COL26A1: variants seen among roughly 807,000 people sequenced by gnomAD.
COL26A1 encodes the protein collagen type XXVI alpha 1 chain.
In COL26A1, 41 loss-of-function variants were observed where a neutral mutation model predicts 59.3. The ratio of observed to expected loss-of-function variants is 0.69; its 90% CI spans 0.54 to 0.90. COL26A1 has a LOEUF of 0.90. Ranked by LOEUF, COL26A1 falls within the 40% of genes least tolerant of loss-of-function variation. The pLI, the probability that COL26A1 is intolerant of heterozygous loss-of-function variation, is 0.00. For missense variants in COL26A1, 612 were observed against 602.3 expected (o/e 1.02, Z -0.17); for synonymous variants, 266 against 256.0 (o/e 1.04, Z -0.37).
intron 3 of COL26A1, among the ~76,000 whole-genome samples, chr7:101,520,698 G>T (rs1795126398): frequency 6.7e-6 from 1 of 149,862 alleles, no homozygotes; most frequent in Non-Finnish European, 1.5e-5. Context: ...TCCAGCAGGG[G>T]GACATGTGGA....
At chr7:101,539,127 G>A (rs549462768) in intron 4 of COL26A1, among the ~76,000 whole-genome samples, 3 of 152,304 alleles carry the variant, frequency 2.0e-5, no homozygotes, top group Admixed American at 2.0e-4. Context: ...CCTCAAGGAG[G>A]GACAGATGGG....
At chr7:101,362,767 TC>T (rs1790919845), upstream of COL26A1, 1 of 498,562 alleles carries the variant, frequency 2.0e-6, no homozygotes, top group Non-Finnish European at 3.5e-6. Context: ...CACTGCCGCC[TC>T]CTCGGCCCCG....
intron 2 of COL26A1, 81 bp from the exon 3 acceptor site, chr7:101,447,603 G>T: frequency 1.0e-6 from 1 of 995,898 alleles, no homozygotes. Context: ...GGGCAAAACA[G>T]CCTGGCCCAT....
At chr7:101,460,799 G>A (rs904947182) in intron 3 of COL26A1, among the ~76,000 whole-genome samples, 4 of 137,006 alleles carry the variant, frequency 2.9e-5, no homozygotes, top group African/African-American at 5.1e-5. Flanking sequence ...AAAAAAAAAA[G>A]AAAGAAAAGA....
At chr7:101,515,369 A>G (rs1795008332) in intron 3 of COL26A1, among the ~76,000 whole-genome samples, 1 of 151,730 alleles carries the variant, frequency 6.6e-6, no homozygotes, top group South Asian at 2.1e-4. Context: ...GCTGCAACCT[A>G]CAACTTCTGG....
At chr7:101,472,908 C>T (rs994759915) in intron 3 of COL26A1, among the ~76,000 whole-genome samples, 2 of 151,384 alleles carry the variant, frequency 1.3e-5, no homozygotes, top group African/African-American at 2.5e-5. Context: ...CCCGACATGG[C>T]GTTGGAATGT....
intron 11 of COL26A1, among the ~76,000 whole-genome samples, chr7:101,554,071 A>G (rs911323157): frequency 5.9e-5 from 9 of 151,972 alleles, no homozygotes; most frequent in Non-Finnish European, 2.9e-5. Context: ...CCAGGTGTAC[A>G]GGGTCCCTGC....
intron 3 of COL26A1, among the ~76,000 whole-genome samples, chr7:101,512,104 T>C: frequency 6.6e-6 from 1 of 152,198 alleles, no homozygotes; most frequent in Admixed American, 6.5e-5. Flanking sequence ...AGGGTTTCGC[T>C]GCTGGTGCTG....
At chr7:101,371,491 A>G (rs1791192912) in intron 1 of COL26A1, among the ~76,000 whole-genome samples, 1 of 151,992 alleles carries the variant, frequency 6.6e-6, no homozygotes, top group Admixed American at 6.5e-5. Flanking sequence ...TCTGTAAAAA[A>G]AAAAAAAATT....
At chr7:101,510,302 A>G (rs1258088467) in intron 3 of COL26A1, among the ~76,000 whole-genome samples, 1 of 152,188 alleles carries the variant, frequency 6.6e-6, no homozygotes, top group Non-Finnish European at 1.5e-5. Context: ...CTGGGATTAC[A>G]GGCGTGAGCC....
intron 4 of COL26A1, among the ~76,000 whole-genome samples, chr7:101,539,645 G>A (rs766421327): frequency 1.3e-5 from 2 of 152,106 alleles, no homozygotes; most frequent in Non-Finnish European, 2.9e-5. Context: ...GGACTTTGAC[G>A]GTGTCTGAAG....
At chr7:101,453,546 G>C (rs532019159) in intron 3 of COL26A1, among the ~76,000 whole-genome samples, 1 of 152,258 alleles carries the variant, frequency 6.6e-6, no homozygotes, top group African/African-American at 2.4e-5. Flanking sequence ...CCCCTCCCTG[G>C]TGGAGAAGCC....
At chr7:101,401,478 AG>A (rs1791993750) in intron 1 of COL26A1, among the ~76,000 whole-genome samples, 1 of 151,674 alleles carries the variant, frequency 6.6e-6, no homozygotes, top group East Asian at 1.9e-4. Flanking sequence ...AAGGAGGAGG[AG>A]GAAAAGGAAG....
chr7:101,383,895 CT>C (rs1562956410), intron 1 of COL26A1, among the ~76,000 whole-genome samples: 4 of 152,140 alleles, frequency 2.6e-5, no homozygotes, highest in Admixed American at 2.6e-4. Flanking sequence ...GTCTCAAACT[CT>C]TGACCTCAGC....
At position 101,549,212 on chromosome 7, in the gene COL26A1, C is replaced by A. The variant is rs930679912; in HGVS notation, c.982C>A (p.Pro328Thr). 2 of 1,605,814 alleles carry A rather than the reference C, an allele frequency of 1.2e-6. No homozygotes were observed. The highest frequency in any genetic ancestry group is 2.7e-5 in the African/African-American group (2 of 74,558). ...AGGTCCCCCAGGACCCCCAGGAACA[C>A]CTGGATCCCAGGTAAGGACTTTGCC... ...PRGPPGPPGT[P>T]GSQGLAGERG... is the part of the protein sequence containing the mutation. The change falls in exon 9 of 13, where the codon CCT (proline) becomes ACT (threonine). Residue 328 changes from proline to threonine, a missense_variant. Transcript: ENST00000313669.
intron 4 of COL26A1, among the ~76,000 whole-genome samples, chr7:101,538,735 C>T (rs1270161882): frequency 6.9e-6 from 1 of 144,024 alleles, no homozygotes; most frequent in Non-Finnish European, 1.6e-5. Flanking sequence ...CCGCTAAGTG[C>T]ACCCTGGAGA....
chr7:101,471,850 G>T lies in COL26A1; in HGVS notation c.385+24063G>T, dbSNP rs534576300. Among the ~76,000 whole-genome samples, 18 of 152,226 alleles carry T rather than the reference G, an allele frequency of 1.2e-4. No individual in the cohort carries two copies. The South Asian group carries it at 3.7e-3, about 32-fold the overall frequency. On this transcript the variant is annotated intron_variant, in intron 3 of 12. Transcript: ENST00000313669. ...CCACCTTGGCCTCCCAAAGTGCTGA[G>T]ATTACAGGCATGAGCCGCTGCGCCC...
At chr7:101,513,666 T>C (rs1223081855) in intron 3 of COL26A1, among the ~76,000 whole-genome samples, 1 of 152,126 alleles carries the variant, frequency 6.6e-6, no homozygotes, top group African/African-American at 2.4e-5. Context: ...TTTAAGGTCA[T>C]GAATGGGATT....
rs371215918 is a variant in COL26A1 at position 101,535,590 on chromosome 7, G to T, written c.447+2447G>T. 4.6e-5 allele frequency among the ~76,000 whole-genome samples: 7 copies of T among 152,288 alleles called. No homozygotes were observed. In the East Asian group the frequency reaches 1.2e-3, roughly 25 times the overall value. On this transcript the variant is annotated intron_variant, in intron 4 of 12. Transcript: ENST00000313669. ...TCCATGGCCTCCAGCAGCAGGCCCG[G>T]GGCAGAGCTTTGTCCTGTGACCCTG...
Sources: gnomAD v4.1 joint callset for allele counts (sites outside exome capture counted in the v4.1 genomes callset) on GRCh38, gnomAD v4.1.1 for gene constraint, MANE v1.5 for transcripts, NCBI Gene and HGNC (gene_info 2026-07-23, HGNC 2026-07-21) for gene names.